The following KCNH1 variants were observed in gnomAD, a reference collection of about 807,000 sequenced individuals.
KCNH1 encodes potassium voltage-gated channel subfamily H member 1.
Under a neutral mutation model 69.2 loss-of-function variants are expected in KCNH1, and 27 were observed. The observed-to-expected ratio is 0.39, with a 90% CI of 0.29 to 0.54. The LOEUF (loss-of-function observed/expected upper bound fraction) is 0.54. Among genes scored for constraint, KCNH1 ranks in the 20% least tolerant of loss-of-function variants. The pLI, the probability that KCNH1 is intolerant of heterozygous loss-of-function variation, is 0.68. For missense variants in KCNH1, 798 were observed against 1,261.6 expected, an observed-to-expected ratio of 0.63 and a Z score of 5.57; for synonymous variants, 456 against 487.7, an observed-to-expected ratio of 0.93 and a Z score of 0.86.
chr1:211,067,931 G>C (rs567324912), intron 5 of KCNH1, among the ~76,000 whole-genome samples: 1 of 152,308 alleles, frequency 6.6e-6, no homozygotes, highest in South Asian at 2.1e-4. Context: ...CAGGTTTAGA[G>C]GATTAGAGGA....
At chr1:210,978,070 C>T (rs967403118) in intron 6 of KCNH1, among the ~76,000 whole-genome samples, 5 of 148,050 alleles carry the variant, frequency 3.4e-5, no homozygotes, top group Admixed American at 2.0e-4. Context: ...GATGGAGTCT[C>T]GCTCTGTGCC....
chr1:210,721,800 A>AAAATAAAT (rs71728390), intron 10 of KCNH1, among the ~76,000 whole-genome samples: 65 of 151,212 alleles, frequency 4.3e-4, no homozygotes, highest in East Asian at 3.7e-3. Flanking sequence ...AAGTATAATA[A>AAAATAAAT]AAATAAATAA....
At chr1:210,819,884 G>A (rs1161749899) in intron 7 of KCNH1, among the ~76,000 whole-genome samples, 1 of 152,194 alleles carries the variant, frequency 6.6e-6, no homozygotes, top group Non-Finnish European at 1.5e-5. Flanking sequence ...TCGTTCTTCT[G>A]GATTGCTTGC....
chr1:210,930,412 G>A (rs1341603702), intron 6 of KCNH1, among the ~76,000 whole-genome samples: 2 of 152,030 alleles, frequency 1.3e-5, no homozygotes, highest in African/African-American at 2.4e-5. Flanking sequence ...TTTTGACATA[G>A]CAAACAAAAA....
chr1:211,031,912 G>A (rs1689792777), intron 5 of KCNH1, among the ~76,000 whole-genome samples: 1 of 152,134 alleles, frequency 6.6e-6, no homozygotes. Context: ...TCTGGCCAGG[G>A]CAATCAGGCA....
At chr1:211,097,281 C>A (rs1266407028) in intron 3 of KCNH1, among the ~76,000 whole-genome samples, 1 of 151,784 alleles carries the variant, frequency 6.6e-6, no homozygotes, top group Non-Finnish European at 1.5e-5. Flanking sequence ...GTTTAATATT[C>A]TAAATATTTT....
intron 9 of KCNH1, among the ~76,000 whole-genome samples, chr1:210,791,961 T>C (rs1684221329): frequency 6.6e-6 from 1 of 152,236 alleles, no homozygotes; most frequent in Non-Finnish European, 1.5e-5. Context: ...CAAGCATTTA[T>C]GCCTTTATGT....
At chr1:210,945,104 T>C (rs942922084) in intron 6 of KCNH1, among the ~76,000 whole-genome samples, 1 of 152,240 alleles carries the variant, frequency 6.6e-6, no homozygotes, top group Non-Finnish European at 1.5e-5. Context: ...TTACTTTTTA[T>C]GAATAAATAA....
chr1:211,056,051 G>A (rs1690298057), intron 5 of KCNH1, among the ~76,000 whole-genome samples: 1 of 152,122 alleles, frequency 6.6e-6, no homozygotes, highest in South Asian at 2.1e-4. Flanking sequence ...AAGAGGAAAG[G>A]AGACTTCATC....
chr1:211,070,596 G>A (rs1690624082), intron 5 of KCNH1, among the ~76,000 whole-genome samples: 1 of 151,908 alleles, frequency 6.6e-6, no homozygotes, highest in Non-Finnish European at 1.5e-5. Context: ...GGCCAAGGCA[G>A]GCAGATCACT....
intron 1 of KCNH1, among the ~76,000 whole-genome samples, chr1:211,118,940 G>A (rs532959193): frequency 2.0e-5 from 3 of 152,278 alleles, no homozygotes; most frequent in East Asian, 3.9e-4. Flanking sequence ...GTTATTTGGA[G>A]GGCTACAGTA....
chr1:210,819,862 T>C (rs1183071428), intron 7 of KCNH1, among the ~76,000 whole-genome samples: 3 of 152,214 alleles, frequency 2.0e-5, no homozygotes, highest in African/African-American at 7.2e-5. Context: ...AAAAGGGATT[T>C]TGGCTTCTGA....
chr1:210,997,807 T>A (rs993588109), intron 6 of KCNH1, among the ~76,000 whole-genome samples: 7 of 152,194 alleles, frequency 4.6e-5, no homozygotes, highest in African/African-American at 1.4e-4. Flanking sequence ...GACTAACAGC[T>A]GATCTCTCGG....
At chr1:210,752,270 A>C (rs1683300083) in intron 10 of KCNH1, among the ~76,000 whole-genome samples, 1 of 152,232 alleles carries the variant, frequency 6.6e-6, no homozygotes, top group Non-Finnish European at 1.5e-5. Flanking sequence ...GTTCTTAACC[A>C]GCTATAATGA....
chr1:210,949,069 G>C (rs1688015907), intron 6 of KCNH1, among the ~76,000 whole-genome samples: 1 of 152,048 alleles, frequency 6.6e-6, no homozygotes, highest in Non-Finnish European at 1.5e-5. Flanking sequence ...GCTGACTCCT[G>C]GGATAGAGTG....
chr1:210,707,598 C>T (rs1439167828), intron 10 of KCNH1, among the ~76,000 whole-genome samples: 1 of 152,132 alleles, frequency 6.6e-6, no homozygotes, highest in Non-Finnish European at 1.5e-5. Context: ...AGCCAGGAAG[C>T]CGGCTGGCCA....
At chr1:211,074,468 T>C (rs184964136) in intron 5 of KCNH1, among the ~76,000 whole-genome samples, 1 of 152,326 alleles carries the variant, frequency 6.6e-6, no homozygotes, top group African/African-American at 2.4e-5. Flanking sequence ...AAGGCTGGCA[T>C]ATTTTCCATT....
In KCNH1 at chr1:210,678,469, T is replaced by G. The variant is rs1414244442; in HGVS notation, c.*4812A>C. 1.3e-5 allele frequency: 2 copies of G among 152,216 alleles called. No individual in the cohort carries two copies. Among genetic ancestry groups the G allele is most frequent in the African/African-American group, 4.8e-5 (2 of 41,464 alleles). 9.4% of individuals were successfully genotyped at this position (152,216 alleles called of 1,614,324 possible). ...CCCAAGCCACAGATATACAGTGGTG[T>G]TCTTGGCAGCATCCTCAGCTGACCA... On this transcript the variant is annotated 3_prime_UTR_variant, in exon 11 of 11. Transcript: ENST00000271751.
At chr1:211,089,106 CA>C (rs1255155041) in intron 4 of KCNH1, among the ~76,000 whole-genome samples, 1 of 152,068 alleles carries the variant, frequency 6.6e-6, no homozygotes, top group Non-Finnish European at 1.5e-5. Flanking sequence ...TTGATTCAAC[CA>C]AATCACATAA....
Sources: allele counts gnomAD v4.1 joint callset (sites outside exome capture counted in the v4.1 genomes callset), GRCh38; gene constraint gnomAD v4.1.1; transcripts MANE v1.5; gene names NCBI Gene and HGNC (gene_info 2026-07-23, HGNC 2026-07-21).